Variants in STT3A observed in about 807,000 individuals in gnomAD.
STT3A encodes the protein dolichyl-diphosphooligosaccharide--protein glycosyltransferase subunit STT3A.
STT3A carries 34 observed loss-of-function variants against 89.2 expected under a neutral mutation model. The observed-to-expected ratio is 0.38, with a 90% CI of 0.29 to 0.51. The LOEUF (loss-of-function observed/expected upper bound fraction) is 0.51, where lower values mean the gene tolerates loss of function less well. STT3A is among the 20% of genes least tolerant of loss of function. The pLI is 0.89. For missense variants in STT3A, 555 were observed against 889.5 expected (o/e 0.62, Z 4.78); for synonymous variants, 282 against 310.3 (o/e 0.91, Z 0.96).
intron 10 of STT3A, among the ~76,000 whole-genome samples, chr11:125,610,212 A>C (rs1228192136): frequency 6.6e-6 from 1 of 151,764 alleles, no homozygotes; most frequent in African/African-American, 2.4e-5. Context: ...ACAGGTGCAC[A>C]CCACCATGCC....
intron 5 of STT3A, 129 bp from the exon 6 acceptor site, chr11:125,604,028 C>A (rs1939764319): frequency 2.2e-6 from 2 of 922,368 alleles, no homozygotes; most frequent in East Asian, 2.7e-5. Context: ...TTTCTAACAT[C>A]TCACATCTAC....
rs1298451951 is a variant in STT3A at position 125,613,520 on chromosome 11, A to G, written c.1554+343A>G. On this transcript the variant is annotated intron_variant, in intron 13 of 17. Coordinates refer to ENST00000392708, the MANE Select transcript of STT3A (RefSeq NM_152713.5). This position sits in a 1 kb window ranked among gnomAD's most constrained non-coding sequence, Gnocchi z 4.2. ...AGAAAATTGAATCAAGAAGAAAGAT[A>G]TAAATCTTGTGTAAAGTGATCACCT... Among the ~76,000 whole-genome samples the G allele has an allele frequency of 6.6e-6, 1 of 152,230 alleles. No homozygotes were observed. The highest frequency in any genetic ancestry group is 1.5e-5 in the Non-Finnish European group (1 of 68,036).
chr11:125,612,529 T>C, intron 11 of STT3A, 63 bp from the exon 12 acceptor site: 1 of 1,542,548 alleles, frequency 6.5e-7, no homozygotes, highest in South Asian at 1.2e-5. Flanking sequence ...GATCTACTAA[T>C]AGGCTGAAAT....
upstream of STT3A, chr11:125,592,294 T>G (rs1939319325): frequency 2.4e-6 from 1 of 411,802 alleles, no homozygotes; most frequent in Admixed American, 2.7e-5. Context: ...GAGTCAACTA[T>G]CAGGCACATC....
At position 125,615,263 on chromosome 11, in the gene STT3A, TC is replaced by T. The variant is rs1332492454; in HGVS notation, c.1774+838del. Among the ~76,000 whole-genome samples the T allele has an allele frequency of 7.3e-5, 11 of 151,612 alleles. No homozygotes were observed. The Middle Eastern group carries it at 0.014, about 188-fold the overall frequency. On this transcript the variant is annotated intron_variant, in intron 15 of 17. Coordinates refer to ENST00000392708, the MANE Select transcript of STT3A (RefSeq NM_152713.5). Reference sequence around the variant, plus strand: ...GTCTGGGCAGCAGAGTGAAACTGTTTCAAAAAAAAAAGTTAAACAGTTCTGA... The same window carrying T: ...GTCTGGGCAGCAGAGTGAAACTGTTTAAAAAAAAAAGTTAAACAGTTCTGA...
chr11:125,592,500 C>T, upstream of STT3A: 1 of 455,686 alleles, frequency 2.2e-6, no homozygotes, highest in Non-Finnish European at 4.4e-6. Flanking sequence ...GTAGTTTCCG[C>T]TTCTTGTCAC....
chr11:125,619,894 C>A, intron 16 of STT3A, 117 bp from the exon 17 acceptor site: 2 of 889,244 alleles, frequency 2.2e-6, no homozygotes, highest in Admixed American at 2.5e-5. Context: ...CTACTCTCAA[C>A]AAATTGCAGG....
intron 12 of STT3A, 26 bp from the exon 13 acceptor site, chr11:125,612,963 A>T (rs772491799): frequency 1.2e-6 from 2 of 1,611,150 alleles, no homozygotes; most frequent in East Asian, 2.2e-5. Flanking sequence ...GGTTAACTAC[A>T]CAATTAATTC....
intron 15 of STT3A, among the ~76,000 whole-genome samples, chr11:125,617,016 G>T (rs1398923985): frequency 6.6e-6 from 1 of 152,060 alleles, no homozygotes; most frequent in Non-Finnish European, 1.5e-5. Context: ...TAGAGCTTAT[G>T]AGGTTTTTGC....
At chr11:125,609,258 C>G (rs984969196) in intron 9 of STT3A, among the ~76,000 whole-genome samples, 176 bp from the exon 10 acceptor site, 1 of 152,176 alleles carries the variant, frequency 6.6e-6, no homozygotes, top group Non-Finnish European at 1.5e-5. Context: ...CAAAAGTACT[C>G]TCAGGTTTGA....
intron 3 of STT3A, 21 bp from the exon 4 acceptor site, chr11:125,602,282 A>G: frequency 6.2e-7 from 1 of 1,605,756 alleles, no homozygotes; most frequent in Admixed American, 1.7e-5. Context: ...AATTTACAAC[A>G]AAGTTTATTT....
chr11:125,595,433 C>T (rs748784311), intron 1 of STT3A, among the ~76,000 whole-genome samples: 27 of 152,056 alleles, frequency 1.8e-4, no homozygotes, highest in Admixed American at 1.1e-3. Flanking sequence ...GGGGCTTGCA[C>T]TTCTGGTCTC....
At position 125,614,068 on chromosome 11, in the gene STT3A, T is replaced by C. The variant is rs557629388; in HGVS notation, c.1555-19T>C. 6.2e-7 allele frequency: 1 copy of C among 1,607,424 alleles called. No homozygotes were observed. The highest frequency in any genetic ancestry group is 1.3e-5 in the African/African-American group (1 of 74,922). On this transcript the variant is annotated intron_variant, in intron 13 of 17. Transcript: ENST00000392708. This position sits in a 1 kb window ranked among gnomAD's most constrained non-coding sequence, Gnocchi z 4.9. ...GACAGTGAGAAGCTTGTTATTTCCA[T>C]TTCCCATTCTACTTTCAGGATGCGA...
chr11:125,619,630 T>TA (rs1388148131), intron 16 of STT3A, among the ~76,000 whole-genome samples: 1 of 152,216 alleles, frequency 6.6e-6, no homozygotes. Flanking sequence ...CTTGATTCTG[T>TA]ACTAGGGAGA....
chr11:125,609,636 A>G (rs752303857), intron 10 of STT3A, 47 bp downstream of exon 10: 113 of 1,571,462 alleles, frequency 7.2e-5, no homozygotes, highest in Admixed American at 3.9e-5. Context: ...AAGAATCACA[A>G]TTTGATTCCA....
intron 1 of STT3A, among the ~76,000 whole-genome samples, chr11:125,595,471 C>T (rs1007840351): frequency 5.9e-5 from 9 of 152,108 alleles, no homozygotes; most frequent in African/African-American, 9.7e-5. Context: ...TCCCCCCCTC[C>T]GCCCCTGCCA....
upstream of STT3A, chr11:125,592,611 G>C: frequency 2.5e-6 from 1 of 400,860 alleles, no homozygotes; most frequent in Non-Finnish European, 5.0e-6. Context: ...CTTGGGGCAC[G>C]TTCTTTCCGC....
intron 8 of STT3A, 96 bp from the exon 9 acceptor site, chr11:125,608,013 C>A: frequency 1.5e-6 from 2 of 1,309,270 alleles, no homozygotes; most frequent in Non-Finnish European, 2.0e-6. Flanking sequence ...ACTCATTTGA[C>A]CATTTGGTTT....
intron 16 of STT3A, 25 bp from the exon 17 acceptor site, chr11:125,619,986 T>G (rs1940301253): frequency 3.2e-6 from 5 of 1,578,478 alleles, no homozygotes; most frequent in Middle Eastern, 1.7e-4. Context: ...TAGAAAGAAG[T>G]GTGTTCTTTT....
Sources: allele counts gnomAD v4.1 joint callset (sites outside exome capture counted in the v4.1 genomes callset), GRCh38; gene constraint gnomAD v4.1.1; non-coding constraint Gnocchi (gnomAD v3.1); transcripts MANE v1.5; gene names NCBI Gene and HGNC (gene_info 2026-07-23, HGNC 2026-07-21).